The following SLC44A5 variants were observed in gnomAD, a reference collection of about 807,000 sequenced individuals.
SLC44A5 encodes solute carrier family 44 member 5, also known as choline transporter-like protein 5.
In SLC44A5, 57 loss-of-function variants were observed where a neutral mutation model predicts 101.8. That is an observed-to-expected ratio of 0.56 (90% CI 0.45 to 0.70). The LOEUF (loss-of-function observed/expected upper bound fraction) is 0.70, where lower values mean the gene tolerates loss of function less well. SLC44A5 is among the 30% of genes least tolerant of loss of function. The probability of loss-of-function intolerance (pLI) is 0.00; values close to 1 mark genes in which losing one functional copy is unlikely to be tolerated. For synonymous variants in SLC44A5, 281 were observed against 290.9 expected (o/e 0.97, Z 0.35); for missense variants, 737 against 853.1 (o/e 0.86, Z 1.70).
the SLC44A5 span, among the ~76,000 whole-genome samples, chr1:75,660,113 A>G: frequency 7.0e-6 from 1 of 142,202 alleles, no homozygotes; most frequent in African/African-American, 2.4e-5. Flanking sequence ...CTGAGGTATG[A>G]GAATTGCTTG....
chr1:75,411,009 G>T (rs1663241615), intron 2 of SLC44A5, among the ~76,000 whole-genome samples: 1 of 151,994 alleles, frequency 6.6e-6, no homozygotes, highest in South Asian at 2.1e-4. Context: ...AGTAAGACAT[G>T]GGGAAAAATT....
intron 2 of SLC44A5, among the ~76,000 whole-genome samples, chr1:75,529,009 AACTC>A: frequency 6.6e-6 from 1 of 152,302 alleles, no homozygotes; most frequent in African/African-American, 2.4e-5. Flanking sequence ...CATAACACAT[AACTC>A]ACTGTTACAT....
the SLC44A5 span, among the ~76,000 whole-genome samples, chr1:75,681,242 C>T: frequency 6.6e-6 from 1 of 152,184 alleles, no homozygotes; most frequent in African/African-American, 2.4e-5. Context: ...AGGTAATCCT[C>T]CCTAACTCAG....
rs531227716 is a variant in SLC44A5, at chr1:75,425,339, T to C, written c.14-28718A>G. Among the ~76,000 whole-genome samples the C allele has an allele frequency of 3.9e-5, 6 of 152,294 alleles. No homozygotes were observed. In the East Asian group the frequency reaches 1.2e-3, roughly 29 times the overall value. The stretch of plus-strand genomic sequence containing the variant: ...AACTGAGTGATAAAAGATTTATGAA[T>C]AGTAAAGAGCTTTGTAAAATGGAAC... On this transcript the variant is annotated intron_variant, in intron 2 of 23. Coordinates refer to ENST00000370859, the MANE Select transcript of SLC44A5 (RefSeq NM_001130058.2).
intron 4 of SLC44A5, among the ~76,000 whole-genome samples, chr1:75,312,792 G>C (rs1255310143): frequency 2.0e-5 from 3 of 151,970 alleles, no homozygotes; most frequent in Admixed American, 6.6e-5. Flanking sequence ...GGAGGAGCGT[G>C]GACTTTTCTG....
At chr1:75,591,507 T>G (rs1318608826) in intron 1 of SLC44A5, among the ~76,000 whole-genome samples, 1 of 152,218 alleles carries the variant, frequency 6.6e-6, no homozygotes, top group Non-Finnish European at 1.5e-5. Flanking sequence ...GATATTGTTC[T>G]GTAGTTTTCT....
At chr1:75,351,561 G>A (rs1325176215) in intron 3 of SLC44A5, among the ~76,000 whole-genome samples, 5 of 152,034 alleles carry the variant, frequency 3.3e-5, no homozygotes, top group Non-Finnish European at 5.9e-5. Context: ...GTATTTTTAC[G>A]TTATTGGAAG....
At chr1:75,275,100 G>T in intron 5 of SLC44A5, 58 bp from the exon 6 acceptor site, 1 of 1,347,628 alleles carries the variant, frequency 7.4e-7, no homozygotes, top group South Asian at 1.2e-5. Flanking sequence ...AAGGCAGTTT[G>T]ATTTGAGATA....
intron 2 of SLC44A5, among the ~76,000 whole-genome samples, chr1:75,439,143 A>G (rs1665052345): frequency 6.6e-6 from 1 of 151,994 alleles, no homozygotes; most frequent in African/African-American, 2.4e-5. Context: ...CAGATTTGTT[A>G]TTGTGGGAGT....
the SLC44A5 span, among the ~76,000 whole-genome samples, chr1:75,713,041 T>A: frequency 6.6e-6 from 1 of 152,184 alleles, no homozygotes; most frequent in Non-Finnish European, 1.5e-5. Context: ...ACTGCTCCTG[T>A]TCCGCCTAAC....
chr1:75,626,402 A>G, the SLC44A5 span, among the ~76,000 whole-genome samples: 51 of 152,208 alleles, frequency 3.4e-4, 1 homozygote, highest in Middle Eastern at 3.4e-3. Flanking sequence ...TATACCTGCA[A>G]TGGTGTTCCA....
intron 2 of SLC44A5, among the ~76,000 whole-genome samples, chr1:75,526,228 C>T (rs1670400297): frequency 6.6e-6 from 1 of 152,178 alleles, no homozygotes; most frequent in African/African-American, 2.4e-5. Context: ...CCTTCTTCTA[C>T]CTCCTCCATC....
chr1:75,527,711 C>G (rs986855110), intron 2 of SLC44A5, among the ~76,000 whole-genome samples: 3 of 25,718 alleles, frequency 1.2e-4, no homozygotes, highest in African/African-American at 5.5e-4. Flanking sequence ...TTTGAGAGCA[C>G]TGAGGCAAAA....
the SLC44A5 span, among the ~76,000 whole-genome samples, chr1:75,707,091 G>A: frequency 6.6e-6 from 1 of 152,144 alleles, no homozygotes; most frequent in Non-Finnish European, 1.5e-5. Flanking sequence ...ACAGAAAATT[G>A]ACCATATTTT....
intron 1 of SLC44A5, chr1:75,582,184 A>C: frequency 2.3e-6 from 2 of 860,190 alleles, no homozygotes; most frequent in Non-Finnish European, 3.9e-6. Context: ...CAAAGATACG[A>C]ATCTCTTAAG....
chr1:75,330,158 CATATATATACGT>C (rs1557669720), intron 4 of SLC44A5, among the ~76,000 whole-genome samples: 2 of 123,828 alleles, frequency 1.6e-5, no homozygotes, highest in Non-Finnish European at 1.6e-5. Flanking sequence ...TACGTATATG[CATATATATACGT>C]ATATATGCAT....
chr1:75,663,616 ACCAATATCAAGTT>A, the SLC44A5 span, among the ~76,000 whole-genome samples: 1 of 152,278 alleles, frequency 6.6e-6, no homozygotes, highest in African/African-American at 2.4e-5. Context: ...CACTGAACAA[ACCAATATCAAGTT>A]CCAAAATTAA....
chr1:75,206,006 A>AT (rs1557518586), intron 23 of SLC44A5: 1 of 152,108 alleles, frequency 6.6e-6, no homozygotes, highest in Non-Finnish European at 1.5e-5. Context: ...GTTCCATAGT[A>AT]TTTTTTACCC....
rs1225326340 is a variant in SLC44A5 at position 75,377,110 on chromosome 1, G to A, written c.52+19473C>T. On this transcript the variant is annotated intron_variant, in intron 3 of 23. Transcript: ENST00000370859. ...ATGTGGGGAAAAGCAAGAGAGATCA[G>A]ATTGTTACTGTGTCTGTGTAGAAAG... 5.3e-5 allele frequency among the ~76,000 whole-genome samples: 8 copies of A among 152,054 alleles called. No individual in the cohort carries two copies. The East Asian group carries it at 1.6e-3, about 30-fold the overall frequency.
Sources: gnomAD v4.1 joint callset for allele counts (sites outside exome capture counted in the v4.1 genomes callset) on GRCh38, gnomAD v4.1.1 for gene constraint, MANE v1.5 for transcripts, NCBI Gene and HGNC (gene_info 2026-07-23, HGNC 2026-07-21) for gene names.